Variants in TMEM8B observed in about 807,000 individuals in gnomAD.
The protein encoded by TMEM8B is nasopharyngeal carcinoma expressed 6.
Under a neutral mutation model 49.3 loss-of-function variants are expected in TMEM8B, and 29 were observed. The ratio of observed to expected loss-of-function variants is 0.59; its 90% CI spans 0.44 to 0.80. TMEM8B has a LOEUF of 0.80. TMEM8B is among the 30% of genes least tolerant of loss of function. The pLI, the probability that TMEM8B is intolerant of heterozygous loss-of-function variation, is 0.00. For synonymous variants in TMEM8B, 264 were observed against 272.8 expected (o/e 0.97, Z 0.32); for missense variants, 575 against 658.5 (o/e 0.87, Z 1.39).
rs1356969824 is a variant in TMEM8B at position 35,859,949 on chromosome 9, TC to T, written c.*6111del. The T allele has an allele frequency of 6.5e-6, 1 of 152,786 alleles. No homozygotes were observed. Among genetic ancestry groups the T allele is most frequent in the Non-Finnish European group, 1.5e-5 (1 of 68,094 alleles). The allele number at this position is 152,786 out of a possible 1,614,324, so 9.5% of individuals were successfully genotyped here. A position where few individuals can be genotyped will look rare whatever the true frequency, so the allele number is the denominator to read the frequency against. ...CTCGTGTAGCCCCATCAGGACGTAT[TC>T]CGTCACAGCTGTCTGGTTTGCCCAC... On this transcript the variant is annotated 3_prime_UTR_variant, in exon 13 of 13. Coordinates refer to ENST00000643932, the MANE Select transcript of TMEM8B (RefSeq NM_001042590.4).
At chr9:35,840,319 G>A (rs1227623468) in intron 3 of TMEM8B, among the ~76,000 whole-genome samples, 1 of 152,196 alleles carries the variant, frequency 6.6e-6, no homozygotes, top group Non-Finnish European at 1.5e-5. Flanking sequence ...AGGCAGAGTT[G>A]GGGCAGGGGC....
chr9:35,845,619 A>T (rs1831447005), intron 6 of TMEM8B: 1 of 985,278 alleles, frequency 1.0e-6, no homozygotes, highest in Non-Finnish European at 1.2e-6. Flanking sequence ...CTTTGTCCAC[A>T]ATTAGTTTCT....
chr9:35,862,245 C>G lies in TMEM8B; in HGVS notation c.*8405C>G, dbSNP rs1425631962. 6.6e-6 allele frequency: 1 copy of G among 152,248 alleles called. No homozygotes were observed. Among genetic ancestry groups the G allele is most frequent in the Non-Finnish European group, 1.5e-5 (1 of 68,066 alleles). 9.4% of individuals were successfully genotyped at this position (152,248 alleles called of 1,614,324 possible). On this transcript the variant is annotated 3_prime_UTR_variant, in exon 13 of 13. Coordinates refer to ENST00000643932, the MANE Select transcript of TMEM8B (RefSeq NM_001042590.4). ...TCACTCGGTGACTTTGGACACCTCCCCCTCCTCTCTCCAGGCTTTAGATCT... is the reference window on the plus strand; with the variant it reads ...TCACTCGGTGACTTTGGACACCTCCGCCTCCTCTCTCCAGGCTTTAGATCT...
chr9:35,853,490 C>T lies in TMEM8B; in HGVS notation c.2440-15C>T, dbSNP rs1272460417. 2 of 1,602,024 alleles carry T rather than the reference C, an allele frequency of 1.2e-6. No individual in the cohort carries two copies. The highest frequency in any genetic ancestry group is 2.7e-5 in the African/African-American group (2 of 74,870). On this transcript the variant is annotated splice_polypyrimidine_tract_variant and intron_variant, in intron 12 of 12. Coordinates refer to ENST00000643932, the MANE Select transcript of TMEM8B (RefSeq NM_001042590.4). This position sits in a 1 kb window ranked among gnomAD's most constrained non-coding sequence, Gnocchi z 4.2. ...GGCTTGGCATTCCTGAGCCCCACTT[C>T]TCTGTCTCCCCCAGACAGTACGCAG...
At position 35,834,589 on chromosome 9, in the gene TMEM8B, A is replaced by G. The variant is rs939574176; in HGVS notation, c.637A>G (p.Ile213Val). The G allele has an allele frequency of 1.9e-5, 8 of 416,018 alleles. No individual in the cohort carries two copies. In the Admixed American group the frequency reaches 2.6e-4, roughly 14 times the overall value. 25.8% of individuals were successfully genotyped at this position (416,018 alleles called of 1,614,324 possible). The change falls in exon 2 of 13, where the codon ATC becomes GTC. Residue 213 changes from isoleucine to valine, a missense_variant. By Grantham distance (29) the Ile-to-Val change is conservative (BLOSUM62 3). Transcript: ENST00000643932. ...EDTFLAVWNL[I>V]IFKEQGGTFG... The stretch of plus-strand genomic sequence containing the variant: ...CACATTCCTGGCTGTTTGGAACCTC[A>G]TCATCTTCAAGGAGCAAGGGGGAAC...
Position 35,859,118 on chromosome 9 carries a change from C to A in TMEM8B, c.*5278C>A. 1 of 155,810 alleles carries A rather than the reference C, an allele frequency of 6.4e-6. No homozygotes were observed. The highest frequency in any genetic ancestry group is 1.9e-4 in the East Asian group (1 of 5,312). The allele number at this position is 155,810 out of a possible 1,614,324, so 9.7% of individuals were successfully genotyped here. On this transcript the variant is annotated 3_prime_UTR_variant, in exon 13 of 13. Transcript: ENST00000643932. ...CGGCAGCTTTCACCTCTGCATTCCT[C>A]AGGCTGTAAATGATGGGGTTCAGCG...
intron 3 of TMEM8B, among the ~76,000 whole-genome samples, chr9:35,840,455 G>A (rs143782185): frequency 2.3e-4 from 35 of 152,294 alleles, no homozygotes; most frequent in Non-Finnish European, 4.1e-4. Flanking sequence ...GAGGCCCTGT[G>A]TCTGGAGGAA....
intron 1 of TMEM8B, among the ~76,000 whole-genome samples, chr9:35,830,416 G>A (rs1341748662): frequency 1.3e-5 from 2 of 152,140 alleles, no homozygotes; most frequent in Non-Finnish European, 2.9e-5. Flanking sequence ...AGATGAATAT[G>A]GATTAGTTGC....
In TMEM8B at chr9:35,841,330, G is replaced by A. The variant is rs911591766; in HGVS notation, c.1040+63G>A. 2.4e-6 allele frequency: 1 copy of A among 416,524 alleles called. No individual in the cohort carries two copies. The allele number at this position is 416,524 out of a possible 1,614,324, so 25.8% of individuals were successfully genotyped here. A position where few individuals can be genotyped will look rare whatever the true frequency, so the allele number is the denominator to read the frequency against. On this transcript the variant is annotated intron_variant, in intron 4 of 12. Transcript: ENST00000643932. The surrounding 1 kb of genome is among the most constrained non-coding windows in gnomAD (Gnocchi z 5.9). ...TTCTGTGGCCTCATACAGGCTGCAG[G>A]GTTCTCTCTTGGCTTCTCCACCTAC...
rs147588761 is a variant in TMEM8B at position 35,831,009 on chromosome 9, A to C, written c.508+1054A>C. On this transcript the variant is annotated intron_variant, in intron 1 of 12. Transcript: ENST00000643932. ...TCTAGATAGGATGGAGATGTGCCTG[A>C]TGGAGTCTTTGGAAATAACAGCCAA... Among the ~76,000 whole-genome samples the C allele has an allele frequency of 2.9e-3, 436 of 152,250 alleles. 2 individuals are homozygous for C. Among genetic ancestry groups the C allele is most frequent in the Non-Finnish European group, 4.3e-3 (294 of 68,020 alleles).
Position 35,846,032 on chromosome 9 carries a change from T to C in TMEM8B, c.1693T>C (p.Leu565=), listed in dbSNP as rs746616660. 15 of 1,613,380 alleles carry C rather than the reference T, an allele frequency of 9.3e-6. No homozygotes were observed. The South Asian group carries it at 1.5e-4, about 17-fold the overall frequency. The change falls in exon 7 of 13, where the codon TTG becomes CTG. Residue 565 remains leucine (L), a synonymous_variant. Transcript: ENST00000643932. ...TGGATGCTTGACTCACGAGGTGCCC[T>C]TGAGCCTGGGGGATGCAGCAGTGAC... ...VFGCLTHEVP[L]SLGDAAVTCS... is the part of the protein sequence containing the mutation.
rs865978785 is a variant in TMEM8B, at chr9:35,832,201, A to G, written c.508+2246A>G. Among the ~76,000 whole-genome samples the G allele has an allele frequency of 9.1e-3, 1,045 of 114,620 alleles. 4 individuals carry two copies. The highest frequency in any genetic ancestry group is 0.014 in the Non-Finnish European group (721 of 52,176). 75.2% of individuals were successfully genotyped at this position (114,620 alleles called of 152,430 possible). On this transcript the variant is annotated intron_variant, in intron 1 of 12. Coordinates refer to ENST00000643932, the MANE Select transcript of TMEM8B (RefSeq NM_001042590.4). ...TGTGTGTGTGTGTGTGTGTGTGTGT[A>G]TGTGTATGTGTGTATGGGGTGGGTG...
rs906549141 is a variant in TMEM8B at position 35,841,468 on chromosome 9, C to G, written c.1041-58C>G. ...CCCTCCTTCCTAGTGCTTCCCTTGCCCTGTGTTCCTCTCGCCTCTGTTTGT... is the reference window on the plus strand; with the variant it reads ...CCCTCCTTCCTAGTGCTTCCCTTGCGCTGTGTTCCTCTCGCCTCTGTTTGT... On this transcript the variant is annotated intron_variant, in intron 4 of 12. Transcript: ENST00000643932. The surrounding 1 kb of genome is among the most constrained non-coding windows in gnomAD (Gnocchi z 5.9). 1.7e-5 allele frequency: 7 copies of G among 414,198 alleles called. No homozygotes were observed. The highest frequency in any genetic ancestry group is 1.4e-4 in the African/African-American group (7 of 48,692). The allele number at this position is 414,198 out of a possible 1,614,324, so 25.7% of individuals were successfully genotyped here.
At chr9:35,848,511 A>G (rs1023243713) in intron 10 of TMEM8B, among the ~76,000 whole-genome samples, 3 of 152,126 alleles carry the variant, frequency 2.0e-5, no homozygotes, top group African/African-American at 7.2e-5. Flanking sequence ...ACTTGACACA[A>G]GTATCCTGAT....
Position 35,835,101 on chromosome 9 carries a change from C to G in TMEM8B, c.789C>G (p.Thr263=). 1 of 415,820 alleles carries G rather than the reference C, an allele frequency of 2.4e-6. No homozygotes were observed. Among genetic ancestry groups the G allele is most frequent in the Non-Finnish European group, 4.4e-6 (1 of 226,432 alleles). The allele number at this position is 415,820 out of a possible 1,614,324, so 25.8% of individuals were successfully genotyped here. ...DTAVPGVFSL[T]LSWTLPNRTS... is the part of the protein sequence containing the mutation. ...CTGTGCCTGGGGTTTTCTCACTGACCCTCAGCTGGACACTGCCCAACCGCA... is the reference window on the plus strand; with the variant it reads ...CTGTGCCTGGGGTTTTCTCACTGACGCTCAGCTGGACACTGCCCAACCGCA... The change falls in exon 3 of 13, where the codon ACC becomes ACG. Residue 263 remains threonine (T), a synonymous_variant. Coordinates refer to ENST00000643932, the MANE Select transcript of TMEM8B (RefSeq NM_001042590.4).
In TMEM8B at chr9:35,859,813, G is replaced by C. The variant is rs1010227630; in HGVS notation, c.*5973G>C. 1.3e-5 allele frequency: 2 copies of C among 153,918 alleles called. No individual in the cohort carries two copies. Among genetic ancestry groups the C allele is most frequent in the Non-Finnish European group, 1.5e-5 (1 of 68,310 alleles). 9.5% of individuals were successfully genotyped at this position (153,918 alleles called of 1,614,324 possible). ...AGGTTGCTGAGAAGTACATGGGGTTGTGCAGGCGAGGGTGCAGCACGTTCA... is the reference window on the plus strand; with the variant it reads ...AGGTTGCTGAGAAGTACATGGGGTTCTGCAGGCGAGGGTGCAGCACGTTCA... On this transcript the variant is annotated 3_prime_UTR_variant, in exon 13 of 13. Transcript: ENST00000643932.
At chr9:35,833,288 C>G in intron 1 of TMEM8B, 3 of 985,160 alleles carry the variant, frequency 3.0e-6, no homozygotes, top group Non-Finnish European at 2.4e-6. Context: ...ATTCCAGCCC[C>G]GGGTCTGTCC....
At chr9:35,831,691 C>CCG (rs1829915654) in intron 1 of TMEM8B, among the ~76,000 whole-genome samples, 1 of 152,220 alleles carries the variant, frequency 6.6e-6, no homozygotes, top group South Asian at 2.1e-4. Context: ...AGCAGGGTGA[C>CCG]CGACAGCCAC....
intron 10 of TMEM8B, among the ~76,000 whole-genome samples, chr9:35,851,675 T>A (rs539551074): frequency 1.3e-5 from 2 of 152,198 alleles, no homozygotes; most frequent in African/African-American, 4.8e-5. Flanking sequence ...AGAAAGAAGA[T>A]AGATACGCAA....
Sources: allele counts gnomAD v4.1 joint callset (sites outside exome capture counted in the v4.1 genomes callset), GRCh38; gene constraint gnomAD v4.1.1; non-coding constraint Gnocchi (gnomAD v3.1); transcripts MANE v1.5; gene names NCBI Gene and HGNC (gene_info 2026-07-23, HGNC 2026-07-21).